Variants in ZBED4 observed in about 807,000 individuals in gnomAD.
ZBED4 encodes zinc finger BED domain-containing protein 4.
ZBED4 carries 4 observed loss-of-function variants against 15.5 expected under a neutral mutation model. The observed-to-expected ratio is 0.26, with a 90% CI of 0.13 to 0.59. ZBED4 has a LOEUF of 0.59. Ranked by LOEUF, ZBED4 falls within the 20% of genes least tolerant of loss-of-function variation. The pLI, the probability that ZBED4 is intolerant of heterozygous loss-of-function variation, is 0.90. For synonymous variants in ZBED4, 692 were observed against 608.5 expected, an observed-to-expected ratio of 1.14 and a Z score of -2.02; for missense variants, 1,323 against 1,461.8, an observed-to-expected ratio of 0.91 and a Z score of 1.55.
In ZBED4 at chr22:49,884,808, G is replaced by A; in HGVS notation, c.1146G>A (p.Glu382=). The change falls in exon 2 of 2, where the codon GAG becomes GAA. Residue 382 remains glutamate (E), a synonymous_variant. Coordinates refer to ENST00000216268, the MANE Select transcript of ZBED4 (RefSeq NM_014838.3). ...CGTCTCCAGTAAAGCCGGTCAGAGAGTCCCCTTCGGCCTCCTCCTCCCCTG... is the reference window on the plus strand; with the variant it reads ...CGTCTCCAGTAAAGCCGGTCAGAGAATCCCCTTCGGCCTCCTCCTCCCCTG... ...VSSSPVKPVR[E]SPSASSSPDR... 6.2e-7 allele frequency: 1 copy of A among 1,610,276 alleles called. No homozygotes were observed. The highest frequency in any genetic ancestry group is 8.5e-7 in the Non-Finnish European group (1 of 1,177,200).
chr22:49,883,655 G>A lies in ZBED4; in HGVS notation c.-8G>A, dbSNP rs369810236. Reference sequence around the variant, plus strand: ...CCTAAGATACAGCCGGAGTAGTTATGGTCAGTCATGGAGAATAACTTGAAA... The same window carrying A: ...CCTAAGATACAGCCGGAGTAGTTATAGTCAGTCATGGAGAATAACTTGAAA... On this transcript the variant is annotated 5_prime_UTR_variant, in exon 2 of 2. An upstream start codon of the reference 5' UTR is lost. Coordinates refer to ENST00000216268, the MANE Select transcript of ZBED4 (RefSeq NM_014838.3). 2 of 1,550,896 alleles carry A rather than the reference G, an allele frequency of 1.3e-6. No individual in the cohort carries two copies. The highest frequency in any genetic ancestry group is 2.7e-5 in the African/African-American group (2 of 73,318).
chr22:49,874,887 T>C (rs2060368309), intron 1 of ZBED4, among the ~76,000 whole-genome samples: 2 of 151,958 alleles, frequency 1.3e-5, no homozygotes, highest in Non-Finnish European at 2.9e-5. Flanking sequence ...TTCACCATGT[T>C]GGCCAGGCTG....
chr22:49,881,404 T>A (rs2060408826), intron 1 of ZBED4, among the ~76,000 whole-genome samples: 1 of 152,230 alleles, frequency 6.6e-6, no homozygotes, highest in Admixed American at 6.5e-5. Flanking sequence ...TGCTGTTTTT[T>A]TGAGATAGGA....
At chr22:49,880,739 T>G (rs1002889036) in intron 1 of ZBED4, among the ~76,000 whole-genome samples, 1 of 152,242 alleles carries the variant, frequency 6.6e-6, no homozygotes, top group Non-Finnish European at 1.5e-5. Context: ...CCATATCAAT[T>G]TTAGACTTCT....
chr22:49,885,035 A>T lies in ZBED4; in HGVS notation c.1373A>T (p.Lys458Met). The change falls in exon 2 of 2, where the codon AAG becomes ATG. Residue 458 changes from lysine (K) to methionine (M), a missense_variant. Lys to Met is a moderately conservative substitution (Grantham distance 95, BLOSUM62 -1). This residue lies in a region of ZBED4 where 429 missense variants were observed against 397.9 expected (regional missense o/e 1.08). Transcript: ENST00000216268. ...QQNKKVMKRLKSEVWHHFSLA... is the reference protein window; with the variant it reads ...QQNKKVMKRLMSEVWHHFSLA... Reference sequence around the variant, plus strand: ...AATAAAAAGGTCATGAAAAGACTGAAGTCGGAGGTCTGGCATCACTTCTCC... The same window carrying T: ...AATAAAAAGGTCATGAAAAGACTGATGTCGGAGGTCTGGCATCACTTCTCC... 6.2e-7 allele frequency: 1 copy of T among 1,612,794 alleles called. No homozygotes were observed. The highest frequency in any genetic ancestry group is 1.1e-5 in the South Asian group (1 of 90,958).
intron 1 of ZBED4, among the ~76,000 whole-genome samples, chr22:49,872,553 A>G (rs2060353574): frequency 6.6e-6 from 1 of 152,100 alleles, no homozygotes; most frequent in Admixed American, 6.6e-5. Flanking sequence ...TTTTAGAGAT[A>G]TGGTCTTGCT....
rs369104595 is a variant in ZBED4, at chr22:49,884,676, C to T, written c.1014C>T (p.Ile338=). Residue 338 remains isoleucine (I), a synonymous_variant, in exon 2 of 2, where the codon ATC becomes ATT. Coordinates refer to ENST00000216268, the MANE Select transcript of ZBED4 (RefSeq NM_014838.3). ...IRHMWRAHRA[I]VLQENGGTGI... is the part of the protein sequence containing the mutation. ...ACATGTGGAGGGCACACCGCGCCAT[C>T]GTGTTGCAGGAGAACGGGGGCACGG... 42 of 1,608,266 alleles carry T rather than the reference C, an allele frequency of 2.6e-5. No individual in the cohort carries two copies. The highest frequency in any genetic ancestry group is 3.3e-4 in the Middle Eastern group (2 of 6,068).
chr22:49,885,578 C>T lies in ZBED4; in HGVS notation c.1916C>T (p.Ser639Phe). Residue 639 changes from serine (S) to phenylalanine (F), a missense_variant, in exon 2 of 2, where the codon TCC becomes TTC. Ser to Phe is a radical substitution (Grantham distance 155). Transcript: ENST00000216268. ...VPRGTELSGA[S>F]SFDDTNEKFY... is the part of the protein sequence containing the mutation. The stretch of plus-strand genomic sequence containing the variant: ...CGGGGCACAGAATTATCAGGCGCTT[C>T]CTCTTTTGATGACACCAATGAGAAG... 1 of 1,603,560 alleles carries T rather than the reference C, an allele frequency of 6.2e-7. No homozygotes were observed. Among genetic ancestry groups the T allele is most frequent in the Non-Finnish European group, 8.5e-7 (1 of 1,171,798 alleles).
chr22:49,857,668 T>C lies in ZBED4; in HGVS notation c.-330+3679T>C, dbSNP rs938740599. On this transcript the variant is annotated intron_variant, in intron 1 of 1. Transcript: ENST00000216268. ...GTGCAGTGTTACAATCTCGGCTCAC[T>C]GCAACCTCTGTCTCCTGGATTCAAG... 5.3e-5 allele frequency among the ~76,000 whole-genome samples: 8 copies of C among 152,342 alleles called. No individual in the cohort carries two copies. In the South Asian group the frequency reaches 1.0e-3, roughly 20 times the overall value.
At position 49,887,884 on chromosome 22, in the gene ZBED4, T is replaced by C. The variant is rs1276451344; in HGVS notation, c.*706T>C. The C allele has an allele frequency of 6.0e-6, 1 of 167,280 alleles. No individual in the cohort carries two copies. The highest frequency in any genetic ancestry group is 1.5e-5 in the Non-Finnish European group (1 of 68,144). 10.4% of individuals were successfully genotyped at this position (167,280 alleles called of 1,614,324 possible). On this transcript the variant is annotated 3_prime_UTR_variant, in exon 2 of 2. Coordinates refer to ENST00000216268, the MANE Select transcript of ZBED4 (RefSeq NM_014838.3). ...CTGTTTATCATCAGCTCCTCTGAAATGTGATCCCTTTGTAACTGTGCTCAT... is the reference window on the plus strand; with the variant it reads ...CTGTTTATCATCAGCTCCTCTGAAACGTGATCCCTTTGTAACTGTGCTCAT...
In ZBED4 at chr22:49,884,580, C is replaced by T. The variant is rs1409166495; in HGVS notation, c.918C>T (p.Cys306=). ...LSPLDNSKAV[C]IHCMNEFSRG... is the part of the protein sequence containing the mutation. ...CACTGGACAACTCCAAAGCTGTCTG[C>T]ATTCACTGCATGAACGAGTTCAGCC... The change falls in exon 2 of 2, where the codon TGC becomes TGT. Residue 306 remains cysteine (C), a synonymous_variant. Transcript: ENST00000216268. 4.3e-6 allele frequency: 7 copies of T among 1,612,240 alleles called. No individual in the cohort carries two copies. The highest frequency in any genetic ancestry group is 3.3e-5 in the Admixed American group (2 of 59,792).
intron 1 of ZBED4, among the ~76,000 whole-genome samples, chr22:49,865,899 TG>T (rs1349327970): frequency 6.6e-6 from 1 of 150,498 alleles, no homozygotes; most frequent in African/African-American, 2.5e-5. Flanking sequence ...TTTGTAGAGC[TG>T]GGGGTCTCAC....
Position 49,883,867 on chromosome 22 carries a change from A to C in ZBED4, c.205A>C (p.Lys69Gln). ...AGLGGTGCSC[K>Q]PPGKYLSAES... ...CCTCGGTGGGACGGGTTGCAGCTGC[A>C]AGCCCCCGGGGAAGTACTTGTCTGC... The change falls in exon 2 of 2, where the codon AAG (lysine) becomes CAG (glutamine). Residue 69 changes from lysine (K) to glutamine (Q), a missense_variant. By Grantham distance (53) the Lys-to-Gln change is moderately conservative. Around this residue, in one of 6 missense-constraint regions of ZBED4, gnomAD observed 380 missense variants for 413.7 expected, o/e 0.92. Coordinates refer to ENST00000216268, the MANE Select transcript of ZBED4 (RefSeq NM_014838.3). 1 of 1,607,408 alleles carries C rather than the reference A, an allele frequency of 6.2e-7. No homozygotes were observed. Among genetic ancestry groups the C allele is most frequent in the Non-Finnish European group, 8.5e-7 (1 of 1,174,988 alleles).
intron 1 of ZBED4, among the ~76,000 whole-genome samples, chr22:49,870,355 C>T (rs1245071814): frequency 1.3e-5 from 2 of 152,208 alleles, no homozygotes; most frequent in Non-Finnish European, 2.9e-5. Flanking sequence ...AGTGGCATCA[C>T]TGGGTCCAAT....
At chr22:49,869,430 C>T (rs1001482158) in intron 1 of ZBED4, among the ~76,000 whole-genome samples, 1 of 152,208 alleles carries the variant, frequency 6.6e-6, no homozygotes, top group East Asian at 1.9e-4. Flanking sequence ...GGAGAACACT[C>T]TTGCGTGGAC....
At chr22:49,859,018 G>A (rs750238793) in intron 1 of ZBED4, among the ~76,000 whole-genome samples, 4 of 152,068 alleles carry the variant, frequency 2.6e-5, no homozygotes, top group Admixed American at 6.5e-5. Context: ...TTTAAATTGT[G>A]TCCCTGCCCC....
chr22:49,886,893 A>G lies in ZBED4; in HGVS notation c.3231A>G (p.Arg1077=). Reference sequence around the variant, plus strand: ...CCAAGGTGAAGAAGAAAGACCCAAGAGAAAAGCTGCCTGAAGCCATGGTGC... The same window carrying G: ...CCAAGGTGAAGAAGAAAGACCCAAGGGAAAAGCTGCCTGAAGCCATGGTGC... ...LVAKVKKKDP[R]EKLPEAMVLA... The change falls in exon 2 of 2, where the codon AGA becomes AGG. Residue 1077 remains arginine (R), a synonymous_variant. Transcript: ENST00000216268. This position sits in a 1 kb window ranked among gnomAD's most constrained non-coding sequence, Gnocchi z 7.7. 6.2e-7 allele frequency: 1 copy of G among 1,614,092 alleles called. No individual in the cohort carries two copies. Among genetic ancestry groups the G allele is most frequent in the Non-Finnish European group, 8.5e-7 (1 of 1,180,020 alleles).
At position 49,886,812 on chromosome 22, in the gene ZBED4, T is replaced by C. The variant is rs548083350; in HGVS notation, c.3150T>C (p.Asp1050=). The C allele has an allele frequency of 2.5e-6, 4 of 1,613,528 alleles. No homozygotes were observed. In the South Asian group the frequency reaches 3.3e-5, roughly 13 times the overall value. Residue 1050 remains aspartate, a synonymous_variant, in exon 2 of 2, where the codon GAT becomes GAC. Coordinates refer to ENST00000216268, the MANE Select transcript of ZBED4 (RefSeq NM_014838.3). The surrounding 1 kb of genome is among the most constrained non-coding windows in gnomAD (Gnocchi z 7.7). Reference sequence around the variant, plus strand: ...ACGTGGCTGCCTCCCACAGGTGTGATGCTGGCTCCCCGTCGAAAGACTCTG... The same window carrying C: ...ACGTGGCTGCCTCCCACAGGTGTGACGCTGGCTCCCCGTCGAAAGACTCTG... ...SEDVAASHRC[D]AGSPSKDSAA... is the part of the protein sequence containing the mutation.
rs1855406460 is a variant in ZBED4, at chr22:49,883,563, T to G, written c.-100T>G. 1 of 1,419,132 alleles carries G rather than the reference T, an allele frequency of 7.0e-7. No homozygotes were observed. The allele number at this position is 1,419,132 out of a possible 1,614,324, so 87.9% of individuals were successfully genotyped here. A position where few individuals can be genotyped will look rare whatever the true frequency, so the allele number is the denominator to read the frequency against. On this transcript the variant is annotated 5_prime_UTR_variant, in exon 2 of 2. The change abolishes an upstream ATG in the 5' untranslated region. Coordinates refer to ENST00000216268, the MANE Select transcript of ZBED4 (RefSeq NM_014838.3). ...AGAAACATCCTGAAAGATGGAATTA[T>G]GACGAAAAAGTGAAGATAATCTACA...
Sources: gnomAD v4.1 joint callset for allele counts (sites outside exome capture counted in the v4.1 genomes callset) on GRCh38, gnomAD v4.1.1 for gene constraint, gnomAD v4.1.1 regional missense constraint, Gnocchi (gnomAD v3.1) non-coding constraint, MANE v1.5 for transcripts, NCBI Gene and HGNC (gene_info 2026-07-23, HGNC 2026-07-21) for gene names.